The following OSMR variants were observed in gnomAD, a reference collection of about 807,000 sequenced individuals.
The protein encoded by OSMR is oncostatin-M-specific receptor subunit beta.
Under a neutral mutation model 99.9 loss-of-function variants are expected in OSMR, and 81 were observed. That is an observed-to-expected ratio of 0.81 (90% CI 0.68 to 0.97). OSMR has a LOEUF of 0.97. OSMR is among the 50% of genes least tolerant of loss of function. OSMR has a pLI of 0.00. For missense variants in OSMR, 1,099 were observed against 1,153.4 expected (o/e 0.95, Z 0.68); for synonymous variants, 406 against 410.4 (o/e 0.99, Z 0.13).
chr5:38,903,725 C>A, intron 7 of OSMR, 157 bp from the exon 8 acceptor site: 1 of 956,794 alleles, frequency 1.0e-6, no homozygotes. Flanking sequence ...CTGTAGTTGG[C>A]TCATTCTAGC....
intron 14 of OSMR, 118 bp from the exon 15 acceptor site, chr5:38,925,086 A>G (rs1029517249): frequency 5.2e-6 from 8 of 1,536,472 alleles, no homozygotes; most frequent in East Asian, 2.4e-5. Context: ...TGGTATAAAC[A>G]TGTTGGTGGT....
intron 7 of OSMR, among the ~76,000 whole-genome samples, chr5:38,892,041 G>A (rs1418369706): frequency 1.3e-5 from 2 of 152,124 alleles, no homozygotes; most frequent in Admixed American, 1.3e-4. Flanking sequence ...ATGGCTCTGA[G>A]TTCCTCTGGG....
intron 7 of OSMR, among the ~76,000 whole-genome samples, chr5:38,894,862 A>G (rs895295524): frequency 7.9e-5 from 12 of 152,040 alleles, no homozygotes; most frequent in African/African-American, 2.7e-4. Context: ...TTGGGCTTAA[A>G]AGACATCTAC....
chr5:38,855,444 T>C (rs1740763342), intron 1 of OSMR, among the ~76,000 whole-genome samples: 1 of 152,178 alleles, frequency 6.6e-6, no homozygotes, highest in Admixed American at 6.5e-5. Flanking sequence ...CAAATTGAAC[T>C]ATTGATACAG....
intron 1 of OSMR, among the ~76,000 whole-genome samples, chr5:38,849,124 C>T (rs554814387): frequency 1.3e-5 from 2 of 152,258 alleles, no homozygotes; most frequent in African/African-American, 4.8e-5. Flanking sequence ...TTTATCCATC[C>T]TTTCCTATAT....
intron 10 of OSMR, among the ~76,000 whole-genome samples, chr5:38,918,174 G>T (rs764751503): frequency 6.6e-6 from 1 of 151,424 alleles, no homozygotes; most frequent in Non-Finnish European, 1.5e-5. Context: ...GGCACACTCC[G>T]CAAGAATCTC....
intron 7 of OSMR, among the ~76,000 whole-genome samples, chr5:38,899,684 G>A (rs367888457): frequency 3.9e-5 from 6 of 152,182 alleles, no homozygotes; most frequent in African/African-American, 1.4e-4. Flanking sequence ...GGCCCAGGGT[G>A]TGTCTTTAGA....
chr5:38,863,686 T>C (rs1741699582), intron 1 of OSMR, among the ~76,000 whole-genome samples: 1 of 152,244 alleles, frequency 6.6e-6, no homozygotes, highest in African/African-American at 2.4e-5. Flanking sequence ...TGGTCTAAAG[T>C]GCAGTTTAAA....
At chr5:38,898,762 A>G (rs1032201443) in intron 7 of OSMR, among the ~76,000 whole-genome samples, 1 of 151,766 alleles carries the variant, frequency 6.6e-6, no homozygotes, top group African/African-American at 2.4e-5. Flanking sequence ...TCCTTTTTGC[A>G]TATTCGTTAT....
At chr5:38,855,455 A>G (rs62354703) in intron 1 of OSMR, among the ~76,000 whole-genome samples, 43,889 of 151,990 alleles carry the variant, frequency 0.29, 6,514 homozygotes, top group South Asian at 0.44. Flanking sequence ...ATTGATACAG[A>G]CCACCAGGTG....
At chr5:38,879,301 G>T (rs1186272531) in intron 3 of OSMR, among the ~76,000 whole-genome samples, 1 of 152,274 alleles carries the variant, frequency 6.6e-6, no homozygotes, top group African/African-American at 2.4e-5. Flanking sequence ...CACAGGCCTA[G>T]ATGCACAGGA....
At chr5:38,881,472 A>C in intron 3 of OSMR, 121 bp from the exon 4 acceptor site, 1 of 1,587,386 alleles carries the variant, frequency 6.3e-7, no homozygotes, top group South Asian at 1.1e-5. Flanking sequence ...AGTGGAATTC[A>C]CTGGCACATA....
chr5:38,916,567 A>C (rs1745907862), intron 9 of OSMR, among the ~76,000 whole-genome samples: 1 of 152,210 alleles, frequency 6.6e-6, no homozygotes, highest in Non-Finnish European at 1.5e-5. Flanking sequence ...CCCCTCTATA[A>C]ATATTAGCTA....
downstream of OSMR, chr5:38,940,511 G>C (rs1423421895): frequency 1.3e-5 from 3 of 232,590 alleles, no homozygotes; most frequent in African/African-American, 6.6e-5. Context: ...TAGAAGTACT[G>C]TTGACATTTA....
At position 38,917,528 on chromosome 5, in the gene OSMR, T is replaced by C; in HGVS notation, c.1286-18T>C. The C allele has an allele frequency of 6.2e-7, 1 of 1,612,428 alleles. No individual in the cohort carries two copies. Among genetic ancestry groups the C allele is most frequent in the Non-Finnish European group, 8.5e-7 (1 of 1,178,680 alleles). On this transcript the variant is annotated intron_variant, in intron 9 of 17. Coordinates refer to ENST00000274276, the MANE Select transcript of OSMR (RefSeq NM_003999.3). ...CATACATATTGTGACTCAAGAACTTTTCTTTGGTTAATTTCAGCTCCCTCA... is the reference window on the plus strand; with the variant it reads ...CATACATATTGTGACTCAAGAACTTCTCTTTGGTTAATTTCAGCTCCCTCA...
downstream of OSMR, among the ~76,000 whole-genome samples, chr5:38,937,149 T>C (rs1184363391): frequency 1.3e-5 from 2 of 152,160 alleles, no homozygotes; most frequent in African/African-American, 2.4e-5. The surrounding 1 kb of genome is among the most constrained non-coding windows in gnomAD (Gnocchi z 4.0). Flanking sequence ...ATTCCCTGCC[T>C]CGGCCTCCCT....
chr5:38,906,798 T>C (rs542073757), intron 9 of OSMR, among the ~76,000 whole-genome samples: 113 of 152,356 alleles, frequency 7.4e-4, no homozygotes, highest in African/African-American at 2.5e-3. Flanking sequence ...TTTAATGTTA[T>C]GTTCCAAAAC....
At chr5:38,917,753 T>C in intron 10 of OSMR, 131 bp downstream of exon 10, 2 of 701,986 alleles carry the variant, frequency 2.8e-6, no homozygotes, top group African/African-American at 1.8e-5. Flanking sequence ...ATTCATCCAA[T>C]AGAATTTCTT....
chr5:38,863,212 A>AGGGGGG, intron 1 of OSMR, among the ~76,000 whole-genome samples: 6 of 4,456 alleles, frequency 1.3e-3, no homozygotes, highest in Non-Finnish European at 3.1e-3. Flanking sequence ...GGGGAGGGGG[A>AGGGGGG]GGGGGAGGGG....
Sources: gnomAD v4.1 joint callset for allele counts (sites outside exome capture counted in the v4.1 genomes callset) on GRCh38, gnomAD v4.1.1 for gene constraint, Gnocchi (gnomAD v3.1) non-coding constraint, MANE v1.5 for transcripts, NCBI Gene and HGNC (gene_info 2026-07-23, HGNC 2026-07-21) for gene names.